The following ARHGEF3 variants were observed in gnomAD, a reference collection of about 807,000 sequenced individuals.
The protein encoded by ARHGEF3 is 59.8 kDA protein.
In ARHGEF3, 28 loss-of-function variants were observed where a neutral mutation model predicts 63.2. The observed-to-expected ratio is 0.44, with a 90% confidence interval of 0.33 to 0.61. The LOEUF is 0.61. Ranked by LOEUF, ARHGEF3 falls within the 20% of genes least tolerant of loss-of-function variation. The pLI, the probability that ARHGEF3 is intolerant of heterozygous loss-of-function variation, is 0.03. For synonymous variants in ARHGEF3, 266 were observed against 254.2 expected (o/e 1.05, Z -0.44); for missense variants, 533 against 659.3 (o/e 0.81, Z 2.10).
intron 3 of ARHGEF3, among the ~76,000 whole-genome samples, chr3:56,956,105 T>C (rs2106724338): frequency 6.6e-6 from 1 of 152,186 alleles, no homozygotes; most frequent in East Asian, 1.9e-4. Context: ...CAACTTTTGC[T>C]GTTTGGGAAA....
chr3:56,976,867 C>T (rs1434750299), intron 2 of ARHGEF3, among the ~76,000 whole-genome samples: 2 of 152,150 alleles, frequency 1.3e-5, no homozygotes, highest in Non-Finnish European at 2.9e-5. Context: ...CTGATTTCAG[C>T]ACTGCACCAA....
intron 2 of ARHGEF3, among the ~76,000 whole-genome samples, chr3:56,770,263 A>G (rs2035932237): frequency 6.6e-6 from 1 of 152,058 alleles, no homozygotes; most frequent in South Asian, 2.1e-4. Context: ...CACAAAAATT[A>G]GCCAGGTGTG....
chr3:56,962,839 GAATAAGGTCAGCAGC>G (rs1700339534), intron 2 of ARHGEF3, among the ~76,000 whole-genome samples: 1 of 152,194 alleles, frequency 6.6e-6, no homozygotes, highest in South Asian at 2.1e-4. Flanking sequence ...GAATCAAACA[GAATAAGGTCAGCAGC>G]AATAGGCCTT....
Position 56,745,473 on chromosome 3 carries a change from A to T in ARHGEF3, c.613-11T>A. The T allele has an allele frequency of 6.2e-7, 1 of 1,611,676 alleles. No homozygotes were observed. The highest frequency in any genetic ancestry group is 8.5e-7 in the Non-Finnish European group (1 of 1,178,778). ...GCTGAGGCAAGGGAGCTAAGAAGGAAACAGAAAGAGAAGGTTGGAATGTCA... is the reference window on the plus strand; with the variant it reads ...GCTGAGGCAAGGGAGCTAAGAAGGATACAGAAAGAGAAGGTTGGAATGTCA... On this transcript the variant is annotated splice_polypyrimidine_tract_variant and intron_variant, in intron 6 of 9. Coordinates refer to ENST00000296315, the MANE Select transcript of ARHGEF3 (RefSeq NM_019555.3).
intron 3 of ARHGEF3, among the ~76,000 whole-genome samples, chr3:56,906,547 G>A (rs1314563542): frequency 2.0e-5 from 3 of 152,172 alleles, no homozygotes; most frequent in African/African-American, 7.2e-5. Context: ...TGAAATGCTA[G>A]TATTTGGGCC....
intron 4 of ARHGEF3, among the ~76,000 whole-genome samples, chr3:56,830,467 A>G (rs1425776772): frequency 6.6e-6 from 1 of 152,216 alleles, no homozygotes; most frequent in Non-Finnish European, 1.5e-5. Flanking sequence ...GAGTAGTACA[A>G]TAAACCTGCT....
At chr3:56,741,573 G>A (rs561186689) in intron 7 of ARHGEF3, among the ~76,000 whole-genome samples, 54 of 129,272 alleles carry the variant, frequency 4.2e-4, no homozygotes, top group African/African-American at 1.5e-3. Context: ...TGGCAATCTC[G>A]GCTCACTGCA....
intron 2 of ARHGEF3, among the ~76,000 whole-genome samples, chr3:56,992,687 C>G (rs902336250): frequency 6.6e-6 from 1 of 152,196 alleles, no homozygotes. Flanking sequence ...CAATTACCCT[C>G]TGTGAACATG....
At chr3:56,911,924 C>T (rs2041861459) in intron 3 of ARHGEF3, among the ~76,000 whole-genome samples, 2 of 151,212 alleles carry the variant, frequency 1.3e-5, no homozygotes, top group Non-Finnish European at 2.9e-5. Flanking sequence ...CAGAGCAAGA[C>T]TGTCTCTAAA....
chr3:57,045,275 A>G (rs115098823), intron 1 of ARHGEF3, among the ~76,000 whole-genome samples: 288 of 152,246 alleles, frequency 1.9e-3, no homozygotes, highest in African/African-American at 6.4e-3. Flanking sequence ...CTCAAAACAA[A>G]AAACAAAAAA....
intron 4 of ARHGEF3, among the ~76,000 whole-genome samples, chr3:56,857,322 G>C (rs80052905): frequency 0.012 from 1,765 of 152,256 alleles, 24 homozygotes; most frequent in Middle Eastern, 0.02. Context: ...GGCAGAGTCT[G>C]AGTCAATCTT....
At chr3:56,775,333 GAAAT>G (rs1321912076) in intron 1 of ARHGEF3, 1 of 1,158,618 alleles carries the variant, frequency 8.6e-7, no homozygotes, top group African/African-American at 1.6e-5. Flanking sequence ...AGCCTTCTTT[GAAAT>G]AGACTGTCTC....
Position 56,786,511 on chromosome 3 carries a change from C to T in ARHGEF3, c.97-12695G>A, listed in dbSNP as rs182661174. 4.6e-5 allele frequency among the ~76,000 whole-genome samples: 7 copies of T among 152,296 alleles called. No homozygotes were observed. In the East Asian group the frequency reaches 1.3e-3, roughly 29 times the overall value. Reference sequence around the variant, plus strand: ...TGATTTCATTTGTTGAGACACTTTCCATCCTGTAGTGCATTTTTAATGACA... The same window carrying T: ...TGATTTCATTTGTTGAGACACTTTCTATCCTGTAGTGCATTTTTAATGACA... On this transcript the variant is annotated intron_variant, in intron 1 of 9. Coordinates refer to ENST00000296315, the MANE Select transcript of ARHGEF3 (RefSeq NM_019555.3).
intron 4 of ARHGEF3, among the ~76,000 whole-genome samples, chr3:56,860,695 G>C (rs2040043723): frequency 6.6e-6 from 1 of 152,144 alleles, no homozygotes; most frequent in Admixed American, 6.5e-5. Flanking sequence ...TGAAAATACA[G>C]ATGTAATTTT....
At position 56,755,169 on chromosome 3, in the gene ARHGEF3, C is replaced by G; in HGVS notation, c.205-18G>C. 6.2e-7 allele frequency: 1 copy of G among 1,610,374 alleles called. No individual in the cohort carries two copies. Among genetic ancestry groups the G allele is most frequent in the South Asian group, 1.1e-5 (1 of 91,032 alleles). ...ATGGAGCGCTAAACAATGAGAAAAA[C>G]AAACCATCACGGGGGCAGCGGCAGG... On this transcript the variant is annotated intron_variant, in intron 2 of 9. Coordinates refer to ENST00000296315, the MANE Select transcript of ARHGEF3 (RefSeq NM_019555.3).
At chr3:57,049,962 A>C (rs1704605514) in intron 1 of ARHGEF3, among the ~76,000 whole-genome samples, 1 of 152,166 alleles carries the variant, frequency 6.6e-6, no homozygotes, top group Admixed American at 6.5e-5. Flanking sequence ...CTGGGATGTG[A>C]GCCCTGGCAG....
At position 56,775,141 on chromosome 3, in the gene ARHGEF3, C is replaced by G. The variant is rs1351077138; in HGVS notation, c.97-1325G>C. ...CCAGAGGGAGCCTCTAGGTATTCAT[C>G]TTTCCTTTTCAGCCATTGCTTTCAA... On this transcript the variant is annotated intron_variant, in intron 1 of 9. Coordinates refer to ENST00000296315, the MANE Select transcript of ARHGEF3 (RefSeq NM_019555.3). The G allele has an allele frequency of 1.9e-6, 3 of 1,540,200 alleles. No individual in the cohort carries two copies. In the Admixed American group the frequency reaches 6.1e-5, roughly 31 times the overall value.
intron 1 of ARHGEF3, among the ~76,000 whole-genome samples, chr3:57,055,412 T>C (rs1704880295): frequency 1.3e-5 from 2 of 152,188 alleles, no homozygotes; most frequent in South Asian, 2.1e-4. Flanking sequence ...TCTGCCCGCC[T>C]CGGCCTCCCA....
intron 3 of ARHGEF3, among the ~76,000 whole-genome samples, chr3:56,955,527 A>G (rs546690349): frequency 6.6e-6 from 1 of 152,260 alleles, no homozygotes; most frequent in African/African-American, 2.4e-5. Flanking sequence ...TTGCAAGAGG[A>G]ATGAAATTGC....
Sources: gnomAD v4.1 joint callset for allele counts (sites outside exome capture counted in the v4.1 genomes callset) on GRCh38, gnomAD v4.1.1 for gene constraint, MANE v1.5 for transcripts, NCBI Gene and HGNC (gene_info 2026-07-23, HGNC 2026-07-21) for gene names.